The following ZNF91 variants were observed in gnomAD, a reference collection of about 807,000 sequenced individuals.
ZNF91 encodes the protein zinc finger protein 91, also known as zinc finger protein 91 (HPF7, HTF10).
In ZNF91, 7 loss-of-function variants were observed where a neutral mutation model predicts 12.6. That is an observed-to-expected ratio of 0.55 (90% CI 0.31 to 1.04). ZNF91 has a LOEUF of 1.04. Among genes scored for constraint, ZNF91 ranks in the 50% least tolerant of loss-of-function variants. The pLI is 0.05. For missense variants in ZNF91, 1,217 were observed against 1,385.4 expected (o/e 0.88, Z 1.93); for synonymous variants, 453 against 462.6 (o/e 0.98, Z 0.27).
intron 1 of ZNF91, among the ~76,000 whole-genome samples, chr19:23,330,776 C>T (rs1249035960): frequency 6.6e-6 from 1 of 152,182 alleles, no homozygotes; most frequent in African/African-American, 2.4e-5. Flanking sequence ...AAGAATACTT[C>T]TAAAGCTAAG....
chr19:23,331,134 C>T (rs982407600), intron 1 of ZNF91, among the ~76,000 whole-genome samples: 3 of 152,168 alleles, frequency 2.0e-5, no homozygotes, highest in African/African-American at 7.2e-5. Flanking sequence ...AGTGCTGCTT[C>T]CTCAAGGCCC....
At chr19:23,372,942 G>A (rs1969344146) in intron 3 of ZNF91, among the ~76,000 whole-genome samples, 1 of 152,190 alleles carries the variant, frequency 6.6e-6, no homozygotes, top group South Asian at 2.1e-4. Context: ...GCCCTGCAGA[G>A]CAAAGTCCTG....
intron 1 of ZNF91, chr19:23,324,978 G>C (rs1014418585): frequency 4.6e-5 from 7 of 151,852 alleles, no homozygotes; most frequent in African/African-American, 1.7e-4. Flanking sequence ...CCCTGGCTGA[G>C]AGGGATGGGG....
At chr19:23,337,358 G>GTA (rs746303577), downstream of ZNF91, among the ~76,000 whole-genome samples, 202 of 145,632 alleles carry the variant, frequency 1.4e-3, 1 homozygote, top group African/African-American at 3.5e-3. Flanking sequence ...ATGTGTGTGT[G>GTA]TATATATATA....
At chr19:23,378,570 C>T (rs1030072369) in intron 1 of ZNF91, among the ~76,000 whole-genome samples, 6 of 152,082 alleles carry the variant, frequency 3.9e-5, no homozygotes, top group Non-Finnish European at 7.4e-5. Context: ...TTAAACAAAT[C>T]CCTTAAGGTT....
chr19:23,334,405 T>A (rs539450456), downstream of ZNF91, among the ~76,000 whole-genome samples: 3 of 152,130 alleles, frequency 2.0e-5, no homozygotes, highest in Non-Finnish European at 4.4e-5. Flanking sequence ...TTTTAGAAAG[T>A]TTAAGCTTGA....
intron 1 of ZNF91, among the ~76,000 whole-genome samples, chr19:23,392,203 C>T (rs563304193): frequency 6.6e-6 from 1 of 151,590 alleles, no homozygotes; most frequent in South Asian, 2.1e-4. Flanking sequence ...CGAGACCAGC[C>T]TGGCCAACAT....
chr19:23,357,118 T>C (rs1200000176), downstream of ZNF91, among the ~76,000 whole-genome samples: 1 of 152,128 alleles, frequency 6.6e-6, no homozygotes, highest in Non-Finnish European at 1.5e-5. Context: ...TCTCAGCTAC[T>C]CAGGAGGCTG....
intron 1 of ZNF91, among the ~76,000 whole-genome samples, chr19:23,332,983 G>C (rs1166777085): frequency 6.6e-6 from 1 of 152,200 alleles, no homozygotes; most frequent in South Asian, 2.1e-4. Flanking sequence ...GTGTGAAAAA[G>C]AGGTGGTCTT....
At chr19:23,339,401 A>T (rs1240216157) in intron 3 of ZNF91, 1 of 152,190 alleles carries the variant, frequency 6.6e-6, no homozygotes, top group Non-Finnish European at 1.5e-5. Context: ...CTATAGAACG[A>T]GATAGACAGT....
At chr19:23,312,942 T>G (rs528542022), upstream of ZNF91, among the ~76,000 whole-genome samples, 1 of 152,346 alleles carries the variant, frequency 6.6e-6, no homozygotes, top group African/African-American at 2.4e-5. Context: ...AATTGACTCT[T>G]ATATGTGAAT....
At position 23,361,046 on chromosome 19, in the gene ZNF91, G is replaced by A. The variant is rs1471734412; in HGVS notation, c.1933C>T (p.Leu645Phe). 1.2e-6 allele frequency: 2 copies of A among 1,604,052 alleles called. No individual in the cohort carries two copies. Among genetic ancestry groups the A allele is most frequent in the Admixed American group, 1.7e-5 (1 of 59,720 alleles). The change falls in exon 4 of 4, where the codon CTT (leucine) becomes TTT (phenylalanine). Residue 645 changes from leucine to phenylalanine, a missense_variant. By Grantham distance (22) the Leu-to-Phe change is conservative. Transcript: ENST00000300619. ...GTATGAATTCTCTTATGTTTAGCAA[G>A]GGCTGAAGAATGGCTAAAAGCTTTG... ...CGKAFSHSSA[L>F]AKHKRIHTGE...
At chr19:23,353,926 A>G (rs1200683444), downstream of ZNF91, among the ~76,000 whole-genome samples, 4 of 152,152 alleles carry the variant, frequency 2.6e-5, no homozygotes, top group Admixed American at 2.6e-4. Flanking sequence ...CAGACCAAAA[A>G]CAAGCAGTGA....
chr19:23,310,831 A>G (rs1255316265), upstream of ZNF91, among the ~76,000 whole-genome samples: 2 of 152,216 alleles, frequency 1.3e-5, no homozygotes, highest in Admixed American at 6.5e-5. Context: ...GCATTGTGAC[A>G]TATCGCTGGA....
intron 3 of ZNF91, among the ~76,000 whole-genome samples, chr19:23,348,526 C>A (rs1968287422): frequency 6.6e-6 from 1 of 152,188 alleles, no homozygotes; most frequent in Non-Finnish European, 1.5e-5. Flanking sequence ...ATCCCATCAT[C>A]TTTGTAAGCT....
downstream of ZNF91, among the ~76,000 whole-genome samples, chr19:23,335,761 C>A (rs564126961): frequency 7.6e-4 from 116 of 152,274 alleles, no homozygotes; most frequent in Non-Finnish European, 1.3e-3. Flanking sequence ...TTCCCCGACC[C>A]CTTGCGCTTT....
chr19:23,384,969 C>T, intron 1 of ZNF91: 2 of 989,656 alleles, frequency 2.0e-6, no homozygotes, highest in South Asian at 1.3e-5. Context: ...GCTGCGAGCC[C>T]GTCATGGAGG....
intron 1 of ZNF91, chr19:23,323,831 C>G (rs1343366759): frequency 6.7e-6 from 1 of 150,118 alleles, no homozygotes; most frequent in African/African-American, 2.5e-5. Context: ...TTTCCTTTTT[C>G]TTTTCTCCCA....
chr19:23,359,666 G>A lies in ZNF91; in HGVS notation c.3313C>T (p.Pro1105Ser). ...TTGCCACATTCTCCACATTTGTAGG[G>A]TTTCTCTCCGGTGTGCAACCTCTTA... ...RHKRLHTGEK[P>S]YKCGECGKAF... The change falls in exon 4 of 4, where the codon CCC becomes TCC. Residue 1105 changes from proline to serine, a missense_variant. Pro to Ser is a moderately conservative substitution (Grantham distance 74). Transcript: ENST00000300619. 1 of 1,614,018 alleles carries A rather than the reference G, an allele frequency of 6.2e-7. No homozygotes were observed. The highest frequency in any genetic ancestry group is 8.5e-7 in the Non-Finnish European group (1 of 1,179,980).
Sources: allele counts gnomAD v4.1 joint callset (sites outside exome capture counted in the v4.1 genomes callset), GRCh38; gene constraint gnomAD v4.1.1; transcripts MANE v1.5; gene names NCBI Gene and HGNC (gene_info 2026-07-23, HGNC 2026-07-21).